Variants in GLIS1 observed in about 807,000 individuals in gnomAD.
GLIS1 encodes GLIS family zinc finger 1.
Under a neutral mutation model 63.8 loss-of-function variants are expected in GLIS1, and 24 were observed. That is an observed-to-expected ratio of 0.38 (90% confidence interval 0.27 to 0.53). The LOEUF is 0.53. Ranked by LOEUF, GLIS1 falls within the 20% of genes least tolerant of loss-of-function variation. GLIS1 has a pLI of 0.85. For missense variants in GLIS1, 1,036 were observed against 1,074.1 expected, an observed-to-expected ratio of 0.96 and a Z score of 0.50; for synonymous variants, 450 against 482.5, an observed-to-expected ratio of 0.93 and a Z score of 0.88.
At chr1:53,530,566 G>A (rs1185877620) in intron 4 of GLIS1, among the ~76,000 whole-genome samples, 1 of 152,164 alleles carries the variant, frequency 6.6e-6, no homozygotes, top group Non-Finnish European at 1.5e-5. Context: ...AAACTGAAGG[G>A]CCCTTCACAG....
intron 4 of GLIS1, among the ~76,000 whole-genome samples, chr1:53,566,190 A>G (rs1644935510): frequency 6.6e-6 from 1 of 152,202 alleles, no homozygotes; most frequent in Non-Finnish European, 1.5e-5. Flanking sequence ...ACAAGGCAAG[A>G]TGTCCCCTCT....
intron 2 of GLIS1, among the ~76,000 whole-genome samples, chr1:53,629,879 C>A (rs1489397313): frequency 6.6e-6 from 1 of 152,178 alleles, no homozygotes; most frequent in African/African-American, 2.4e-5. Flanking sequence ...CCACCCTAGG[C>A]CATTCAATAT....
chr1:53,525,029 G>T, intron 5 of GLIS1, 142 bp from the exon 6 acceptor site: 1 of 650,078 alleles, frequency 1.5e-6, no homozygotes, highest in Non-Finnish European at 2.7e-6. Flanking sequence ...GCCCGGCCCA[G>T]CTGTGGGGAA....
chr1:53,678,128 C>T (rs1348144137), intron 2 of GLIS1, among the ~76,000 whole-genome samples: 1 of 152,108 alleles, frequency 6.6e-6, no homozygotes, highest in Non-Finnish European at 1.5e-5. Context: ...CTTTCTTCCC[C>T]ATGCTCCTGA....
At chr1:53,734,707 A>G (rs1646896623) in intron 2 of GLIS1, among the ~76,000 whole-genome samples, 1 of 152,228 alleles carries the variant, frequency 6.6e-6, no homozygotes, top group Non-Finnish European at 1.5e-5. Flanking sequence ...GTGTGGGAAC[A>G]CGCTCTGAAC....
At chr1:53,647,010 A>C (rs1215508645) in intron 2 of GLIS1, among the ~76,000 whole-genome samples, 1 of 152,020 alleles carries the variant, frequency 6.6e-6, no homozygotes, top group Non-Finnish European at 1.5e-5. Flanking sequence ...GGGAGGGATG[A>C]AGGAAAAGAA....
At chr1:53,611,907 C>T (rs972348966) in intron 2 of GLIS1, among the ~76,000 whole-genome samples, 3 of 152,202 alleles carry the variant, frequency 2.0e-5, no homozygotes, top group Non-Finnish European at 2.9e-5. Flanking sequence ...AATCAGAGCA[C>T]ACTGCAGCCC....
intron 4 of GLIS1, among the ~76,000 whole-genome samples, chr1:53,561,705 G>C (rs1448564492): frequency 6.6e-6 from 1 of 152,204 alleles, no homozygotes; most frequent in Non-Finnish European, 1.5e-5. Context: ...GGCAGAGGTC[G>C]AAGAGCCAGT....
chr1:53,639,411 C>T lies in GLIS1; in HGVS notation c.260-39133G>A, dbSNP rs1569967159. 6.6e-6 allele frequency among the ~76,000 whole-genome samples: 1 copy of T among 152,030 alleles called. No individual in the cohort carries two copies. Among genetic ancestry groups the T allele is most frequent in the Non-Finnish European group, 1.5e-5 (1 of 68,008 alleles). On this transcript the variant is annotated intron_variant, in intron 2 of 10. Coordinates refer to ENST00000628545, the MANE Select transcript of GLIS1 (RefSeq NM_001367484.1). The surrounding 1 kb of genome is among the most constrained non-coding windows in gnomAD (Gnocchi z 4.6). The stretch of plus-strand genomic sequence containing the variant: ...AGCCGTCTGGGAGGCTGGACTGAGC[C>T]GCCACTCTGAGAACGCCTGTCCCTC...
At chr1:53,695,464 G>A (rs1362723114) in intron 2 of GLIS1, among the ~76,000 whole-genome samples, 3 of 152,238 alleles carry the variant, frequency 2.0e-5, no homozygotes, top group African/African-American at 7.2e-5. Flanking sequence ...GCAGCGACTT[G>A]TCTGTCCTCA....
At chr1:53,509,498 G>T (rs934187762) in intron 9 of GLIS1, among the ~76,000 whole-genome samples, 1 of 152,168 alleles carries the variant, frequency 6.6e-6, no homozygotes, top group South Asian at 2.1e-4. Context: ...GCAGGCGAGG[G>T]GTGGCTGAGA....
intron 2 of GLIS1, among the ~76,000 whole-genome samples, chr1:53,697,205 A>G (rs911131648): frequency 6.6e-6 from 1 of 152,210 alleles, no homozygotes; most frequent in Admixed American, 6.5e-5. Context: ...AGGCTCTGTA[A>G]GGAAAGTGGA....
intron 2 of GLIS1, among the ~76,000 whole-genome samples, chr1:53,717,229 G>T (rs1646708861): frequency 6.6e-6 from 1 of 152,146 alleles, no homozygotes. Context: ...AATAAAATGG[G>T]CATAATAATA....
chr1:53,566,195 C>G (rs1301031203), intron 4 of GLIS1, among the ~76,000 whole-genome samples: 2 of 151,988 alleles, frequency 1.3e-5, no homozygotes, highest in African/African-American at 4.8e-5. Flanking sequence ...GCAAGATGTC[C>G]CCTCTTACCA....
intron 5 of GLIS1, among the ~76,000 whole-genome samples, chr1:53,525,518 G>A (rs1203048912): frequency 6.7e-6 from 1 of 149,038 alleles, no homozygotes; most frequent in Non-Finnish European, 1.5e-5. Flanking sequence ...TGTGCATGGG[G>A]AGTGGACAAG....
chr1:53,722,496 G>T (rs1165995580), intron 2 of GLIS1, among the ~76,000 whole-genome samples: 1 of 152,086 alleles, frequency 6.6e-6, no homozygotes, highest in Non-Finnish European at 1.5e-5. Flanking sequence ...TCCAAATTTT[G>T]GACCATTTTA....
At chr1:53,626,758 T>C (rs1645598437) in intron 2 of GLIS1, among the ~76,000 whole-genome samples, 1 of 152,180 alleles carries the variant, frequency 6.6e-6, no homozygotes, top group Non-Finnish European at 1.5e-5. Context: ...ACATCCTTGC[T>C]CTGCTCCTCC....
At chr1:53,572,559 G>A (rs777140974) in intron 4 of GLIS1, among the ~76,000 whole-genome samples, 9 of 152,188 alleles carry the variant, frequency 5.9e-5, no homozygotes, top group Non-Finnish European at 1.0e-4. Flanking sequence ...TACATCAGGT[G>A]GCACCATGGC....
At chr1:53,512,867 G>C (rs1234516142) in intron 8 of GLIS1, among the ~76,000 whole-genome samples, 1 of 152,020 alleles carries the variant, frequency 6.6e-6, no homozygotes, top group African/African-American at 2.4e-5. Flanking sequence ...GCTGGTTGGT[G>C]GGTGAGCAGG....
Sources: allele counts gnomAD v4.1 joint callset (sites outside exome capture counted in the v4.1 genomes callset), GRCh38; gene constraint gnomAD v4.1.1; non-coding constraint Gnocchi (gnomAD v3.1); transcripts MANE v1.5; gene names NCBI Gene and HGNC (gene_info 2026-07-23, HGNC 2026-07-21).